Variants in TRIM14 observed in about 807,000 individuals in gnomAD.
TRIM14 encodes the protein tripartite motif containing 14, also known as tripartite motif-containing protein 14.
Under a neutral mutation model 44.5 loss-of-function variants are expected in TRIM14, and 28 were observed. The observed-to-expected ratio is 0.63, with a 90% CI of 0.47 to 0.86. TRIM14 has a LOEUF of 0.86. TRIM14 is among the 40% of genes least tolerant of loss of function. TRIM14 has a pLI of 0.00. For synonymous variants in TRIM14, 299 were observed against 269.2 expected, an observed-to-expected ratio of 1.11 and a Z score of -1.08; for missense variants, 607 against 611.1, an observed-to-expected ratio of 0.99 and a Z score of 0.07.
At position 98,095,203 on chromosome 9, in the gene TRIM14, G is replaced by A. The variant is rs1403841122; in HGVS notation, c.538-174C>T. On this transcript the variant is annotated intron_variant, in intron 3 of 5. Transcript: ENST00000341469. The surrounding 1 kb of genome is among the most constrained non-coding windows in gnomAD (Gnocchi z 4.1). ...GAGCAGAGCCCTGGAGAGACCATACGGCATCCCTGAGGTGGGAGCCATGCG... is the reference window on the plus strand; with the variant it reads ...GAGCAGAGCCCTGGAGAGACCATACAGCATCCCTGAGGTGGGAGCCATGCG... Among the ~76,000 whole-genome samples, 3 of 152,234 alleles carry A rather than the reference G, an allele frequency of 2.0e-5. No individual in the cohort carries two copies. Among genetic ancestry groups the A allele is most frequent in the African/African-American group, 7.2e-5 (3 of 41,468 alleles).
chr9:98,081,891 C>A (rs983786979), downstream of TRIM14: 2 of 152,138 alleles, frequency 1.3e-5, no homozygotes, highest in African/African-American at 2.4e-5. Context: ...GAAATAGTTT[C>A]TTTATAGAGG....
At chr9:98,105,012 C>T (rs567186170) in intron 2 of TRIM14, among the ~76,000 whole-genome samples, 2 of 152,220 alleles carry the variant, frequency 1.3e-5, no homozygotes, top group East Asian at 3.9e-4. Flanking sequence ...CAATGGCAGG[C>T]AGGAAGAGGC....
chr9:98,081,127 A>T (rs371227581), downstream of TRIM14: 1,016 of 1,607,702 alleles, frequency 6.3e-4, 1 homozygote, highest in Admixed American at 8.2e-4. Flanking sequence ...CGTGTGTGGA[A>T]AAAGGATAGG....
At chr9:98,045,066 T>C in the TRIM14 span, among the ~76,000 whole-genome samples, 2 of 152,034 alleles carry the variant, frequency 1.3e-5, no homozygotes, top group African/African-American at 4.8e-5. Context: ...TGAGCCAAGA[T>C]TGCACCACTG....
chr9:98,087,119 T>C lies in TRIM14; in HGVS notation c.*351A>G. 1 of 528,788 alleles carries C rather than the reference T, an allele frequency of 1.9e-6. No homozygotes were observed. 32.8% of individuals were successfully genotyped at this position (528,788 alleles called of 1,614,324 possible). On this transcript the variant is annotated 3_prime_UTR_variant, in exon 6 of 6. Coordinates refer to ENST00000341469, the MANE Select transcript of TRIM14 (RefSeq NM_014788.4). ...CCTACTATGTGTCAGGTTCCTGTGC[T>C]GTACGAGGGAGAAGGTTCCCAGGCT...
At chr9:98,040,651 C>T in the TRIM14 span, among the ~76,000 whole-genome samples, 30 of 148,540 alleles carry the variant, frequency 2.0e-4, no homozygotes, top group Admixed American at 1.9e-3. Flanking sequence ...GCTTCACCTG[C>T]GTATTTTCTT....
chr9:98,048,787 G>T, the TRIM14 span, among the ~76,000 whole-genome samples: 2 of 152,178 alleles, frequency 1.3e-5, no homozygotes, highest in Non-Finnish European at 2.9e-5. Context: ...AATGTGGGAG[G>T]CCGAGGCAGG....
At chr9:98,053,684 T>C in the TRIM14 span, among the ~76,000 whole-genome samples, 2 of 152,078 alleles carry the variant, frequency 1.3e-5, no homozygotes, top group Admixed American at 1.3e-4. Context: ...AATAAGTTGT[T>C]ACCCTTTTTG....
the TRIM14 span, among the ~76,000 whole-genome samples, chr9:98,059,060 G>A: frequency 6.6e-6 from 1 of 151,632 alleles, no homozygotes; most frequent in African/African-American, 2.4e-5. Context: ...GTCTCGCTGT[G>A]TCACCCAGGC....
downstream of TRIM14, among the ~76,000 whole-genome samples, chr9:98,065,483 A>ATTTTT (rs397837187): frequency 0.13 from 7,357 of 58,168 alleles, 1,244 homozygotes; most frequent in African/African-American, 0.36. Context: ...TGCCCAGCTA[A>ATTTTT]TTTTTTTTTT....
chr9:98,055,129 C>T, the TRIM14 span, among the ~76,000 whole-genome samples: 1 of 152,198 alleles, frequency 6.6e-6, no homozygotes, highest in South Asian at 2.1e-4. Context: ...AAGCGATTCT[C>T]CTACCTCAGC....
Position 98,087,842 on chromosome 9 carries a change from G to C in TRIM14, c.957C>G (p.Thr319=). 6.5e-7 allele frequency: 1 copy of C among 1,547,692 alleles called. No homozygotes were observed. Among genetic ancestry groups the C allele is most frequent in the Non-Finnish European group, 8.6e-7 (1 of 1,158,744 alleles). ...WQVLARDCFA[T]GRHYWEVDVQ... is the part of the protein sequence containing the mutation. ...CGTCAACCTCCCAGTAGTGGCGGCC[G>C]GTGGCGAAGCAGTCACGAGCCAGCA... is the stretch of plus-strand genomic sequence containing the variant. The change falls in exon 6 of 6, where the codon ACC becomes ACG. Residue 319 remains threonine, a synonymous_variant. Transcript: ENST00000341469.
intron 2 of TRIM14, among the ~76,000 whole-genome samples, chr9:98,108,927 G>A (rs1826730291): frequency 6.7e-6 from 1 of 148,448 alleles, no homozygotes; most frequent in African/African-American, 2.6e-5. Flanking sequence ...GCCCAGGCTG[G>A]AGCACAGTGA....
chr9:98,082,666 A>G (rs1234529973), downstream of TRIM14, among the ~76,000 whole-genome samples: 2 of 152,164 alleles, frequency 1.3e-5, no homozygotes, highest in African/African-American at 4.8e-5. Flanking sequence ...TCTGAATTCA[A>G]TCTATACTGG....
At chr9:98,104,542 GGA>G (rs145070452) in intron 2 of TRIM14, among the ~76,000 whole-genome samples, 1 of 151,472 alleles carries the variant, frequency 6.6e-6, no homozygotes, top group African/African-American at 2.4e-5. Context: ...AGAGGGAAGG[GGA>G]GAGAGAGAGA....
rs1408982785 is a variant in TRIM14 at position 98,095,268 on chromosome 9, C to T, written c.538-239G>A. ...CAGTGCTGGCACTGGGGATTCCTCC[C>T]TCTCCATCCTTCCTCCTTTCCTTCC... On this transcript the variant is annotated intron_variant, in intron 3 of 5. Transcript: ENST00000341469. This position sits in a 1 kb window ranked among gnomAD's most constrained non-coding sequence, Gnocchi z 4.1. Among the ~76,000 whole-genome samples the T allele has an allele frequency of 3.3e-5, 5 of 152,232 alleles. No homozygotes were observed. Among genetic ancestry groups the T allele is most frequent in the Non-Finnish European group, 5.9e-5 (4 of 68,038 alleles).
downstream of TRIM14, among the ~76,000 whole-genome samples, chr9:98,066,590 A>G (rs369119819): frequency 1.9e-3 from 296 of 152,084 alleles, no homozygotes; most frequent in African/African-American, 6.9e-3. Flanking sequence ...CAAAGGAAAA[A>G]CTACCTATTA....
chr9:98,053,280 T>G, the TRIM14 span, among the ~76,000 whole-genome samples: 1 of 152,236 alleles, frequency 6.6e-6, no homozygotes, highest in Admixed American at 6.5e-5. Flanking sequence ...ACCTATGACA[T>G]GAACCCCAAA....
At chr9:98,039,218 C>T in the TRIM14 span, among the ~76,000 whole-genome samples, 10 of 152,154 alleles carry the variant, frequency 6.6e-5, no homozygotes, top group Admixed American at 2.0e-4. Context: ...TAGCATGTCA[C>T]GGCTCACTGC....
Sources: allele counts gnomAD v4.1 joint callset (sites outside exome capture counted in the v4.1 genomes callset), GRCh38; gene constraint gnomAD v4.1.1; non-coding constraint Gnocchi (gnomAD v3.1); transcripts MANE v1.5; gene names NCBI Gene and HGNC (gene_info 2026-07-23, HGNC 2026-07-21).